The following CCDC186 variants were observed in gnomAD, a reference collection of about 807,000 sequenced individuals.
The protein encoded by CCDC186 is coiled-coil domain-containing protein 186.
In CCDC186, 49 loss-of-function variants were observed where a neutral mutation model predicts 113.7. The observed-to-expected ratio is 0.43, with a 90% CI of 0.34 to 0.55. The LOEUF (loss-of-function observed/expected upper bound fraction) is 0.55. CCDC186 is among the 20% of genes least tolerant of loss of function. The pLI is 0.02. For synonymous variants in CCDC186, 355 were observed against 345.8 expected, an observed-to-expected ratio of 1.03 and a Z score of -0.30; for missense variants, 890 against 1,011.1, an observed-to-expected ratio of 0.88 and a Z score of 1.62.
chr10:114,150,797 C>T (rs1022085605), intron 4 of CCDC186, among the ~76,000 whole-genome samples: 3 of 152,004 alleles, frequency 2.0e-5, no homozygotes, highest in Admixed American at 6.6e-5. Flanking sequence ...TACAGGGATG[C>T]GCCACCACGT....
At chr10:114,163,666 G>A (rs2032245545) in intron 1 of CCDC186, among the ~76,000 whole-genome samples, 1 of 152,154 alleles carries the variant, frequency 6.6e-6, no homozygotes, top group South Asian at 2.1e-4. Context: ...GCCAAAGAAT[G>A]CTTAGAATTC....
chr10:114,129,971 G>C lies in CCDC186; in HGVS notation c.2102C>G (p.Ala701Gly). 6.2e-7 allele frequency: 1 copy of C among 1,612,356 alleles called. No homozygotes were observed. Among genetic ancestry groups the C allele is most frequent in the Non-Finnish European group, 8.5e-7 (1 of 1,178,896 alleles). The change falls in exon 13 of 16, where the codon GCA becomes GGA. Residue 701 changes from alanine to glycine, a missense_variant and splice_region_variant. Physicochemically the swap from Ala to Gly is moderately conservative, Grantham distance 60. Coordinates refer to ENST00000369287, the MANE Select transcript of CCDC186 (RefSeq NM_018017.4). ...CTCAACCTGATCTAATTTTCTTCGTGCTATAGGAAAAAGAAGATTATTCGT... is the reference window on the plus strand; with the variant it reads ...CTCAACCTGATCTAATTTTCTTCGTCCTATAGGAAAAAGAAGATTATTCGT... ...IKDLTKQLQQ[A>G]RRKLDQVESG...
At chr10:114,164,574 A>G (rs1473150780) in intron 1 of CCDC186, among the ~76,000 whole-genome samples, 2 of 152,248 alleles carry the variant, frequency 1.3e-5, no homozygotes, top group Non-Finnish European at 2.9e-5. Context: ...TCAGGTATCA[A>G]CAAAGCATGT....
rs2030719558 is a variant in CCDC186 at position 114,121,426 on chromosome 10, G to GT, written c.*3716dup. The GT allele has an allele frequency of 6.6e-6, 1 of 152,042 alleles. No homozygotes were observed. Among genetic ancestry groups the GT allele is most frequent in the Non-Finnish European group, 1.5e-5 (1 of 68,006 alleles). 9.4% of individuals were successfully genotyped at this position (152,042 alleles called of 1,614,324 possible). The stretch of plus-strand genomic sequence containing the variant: ...GATAAATCTTGGTTTAAATTTGCAT[G>GT]TAACAATTTTTAGAAAATAATATAC... On this transcript the variant is annotated 3_prime_UTR_variant, in exon 16 of 16. Transcript: ENST00000369287.
At chr10:114,139,577 A>G (rs1390417500) in intron 6 of CCDC186, among the ~76,000 whole-genome samples, 1 of 151,870 alleles carries the variant, frequency 6.6e-6, no homozygotes, top group Non-Finnish European at 1.5e-5. Flanking sequence ...AAAAAAAAGA[A>G]AAGAAAAAAA....
In CCDC186 at chr10:114,126,074, A is replaced by T. The variant is rs1267988285; in HGVS notation, c.2425T>A (p.Ser809Thr). 1.2e-6 allele frequency: 2 copies of T among 1,613,908 alleles called. No homozygotes were observed. The highest frequency in any genetic ancestry group is 1.7e-6 in the Non-Finnish European group (2 of 1,179,876). The change falls in exon 15 of 16, where the codon TCA (serine) becomes ACA (threonine). Residue 809 changes from serine (S) to threonine (T), a missense_variant. Coordinates refer to ENST00000369287, the MANE Select transcript of CCDC186 (RefSeq NM_018017.4). ...IIQSYILREESGTLSSEASDF... is the reference protein window; with the variant it reads ...IIQSYILREETGTLSSEASDF... ...GATGCCTCTGAAGAAAGTGTGCCTG[A>T]TTCTTCTCGTAAAATATAACTTTGA...
intron 6 of CCDC186, among the ~76,000 whole-genome samples, chr10:114,143,679 T>C (rs2031546884): frequency 6.6e-6 from 1 of 152,204 alleles, no homozygotes; most frequent in African/African-American, 2.4e-5. Context: ...TATCAGAGAA[T>C]ACAATATAAC....
chr10:114,141,667 G>A (rs966799154), intron 6 of CCDC186, among the ~76,000 whole-genome samples: 2 of 151,786 alleles, frequency 1.3e-5, no homozygotes, highest in African/African-American at 2.4e-5. Flanking sequence ...ATACACGCAC[G>A]CACGCACACA....
At chr10:114,125,751 C>A in intron 15 of CCDC186, 135 bp downstream of exon 15, 2 of 654,302 alleles carry the variant, frequency 3.1e-6, no homozygotes, top group Non-Finnish European at 5.0e-6. Context: ...AAGAGAAAAT[C>A]ACGAAACTTC....
intron 1 of CCDC186, among the ~76,000 whole-genome samples, chr10:114,164,115 T>TATA (rs1491103930): frequency 1.8e-4 from 17 of 94,302 alleles, no homozygotes; most frequent in South Asian, 1.4e-3. Flanking sequence ...TATATATATA[T>TATA]TTTTTTTTTT....
chr10:114,148,022 C>G (rs116530906), intron 4 of CCDC186, among the ~76,000 whole-genome samples: 1,654 of 152,162 alleles, frequency 0.011, 20 homozygotes, highest in African/African-American at 0.038. Flanking sequence ...GTAGTCCCAG[C>G]TATTTGGGAG....
At chr10:114,130,256 G>A (rs2031045917) in intron 12 of CCDC186, 3 of 198,318 alleles carry the variant, frequency 1.5e-5, no homozygotes, top group Non-Finnish European at 3.1e-5. Context: ...GTTCCTTACA[G>A]TACCAGAAAT....
chr10:114,149,732 C>CAAAGGAAGGAAGGCAGGAAGGCAGGAAG, intron 4 of CCDC186, among the ~76,000 whole-genome samples: 1 of 98,750 alleles, frequency 1.0e-5, no homozygotes, highest in Middle Eastern at 5.4e-3. Flanking sequence ...GAGGAAGGGA[C>CAAAGGAAGGAAGGCAGGAAGGCAGGAAG]GAAGGAAGGA....
chr10:114,135,674 G>A (rs944150219), intron 9 of CCDC186, among the ~76,000 whole-genome samples: 2 of 152,152 alleles, frequency 1.3e-5, no homozygotes, highest in African/African-American at 2.4e-5. Flanking sequence ...CTGTGAAATA[G>A]TAATGTTTGG....
chr10:114,134,513 C>T (rs182962888), intron 10 of CCDC186, among the ~76,000 whole-genome samples: 12 of 152,278 alleles, frequency 7.9e-5, no homozygotes, highest in African/African-American at 2.9e-4. Context: ...GTAGAGTTTA[C>T]TTAAATGGTT....
Position 114,172,508 on chromosome 10 carries a change from G to C in CCDC186, c.-62+1507C>G, listed in dbSNP as rs1440877003. On this transcript the variant is annotated intron_variant, in intron 1 of 15. Transcript: ENST00000369287. ...CAACCCTTTCCGTTAGCAATAAATA[G>C]GACTCAAAAGCCAATGACACACTAT... Among the ~76,000 whole-genome samples, 3 of 152,110 alleles carry C rather than the reference G, an allele frequency of 2.0e-5. No individual in the cohort carries two copies. The East Asian group carries it at 5.8e-4, about 29-fold the overall frequency.
chr10:114,165,942 A>G, intron 1 of CCDC186: 1 of 984,754 alleles, frequency 1.0e-6, no homozygotes, highest in South Asian at 4.7e-5. Flanking sequence ...ACTTTTCTTC[A>G]GAGAAAACAA....
chr10:114,165,717 G>T (rs1211281500), intron 1 of CCDC186, among the ~76,000 whole-genome samples: 2 of 151,684 alleles, frequency 1.3e-5, no homozygotes, highest in East Asian at 3.9e-4. Flanking sequence ...GCATTATGGT[G>T]GGTGCCTGTA....
chr10:114,155,935 GAAATA>G (rs1221628354), intron 3 of CCDC186, among the ~76,000 whole-genome samples: 3 of 151,864 alleles, frequency 2.0e-5, no homozygotes, highest in Non-Finnish European at 4.4e-5. Context: ...TGCAGATCTA[GAAATA>G]AAATAAAGAA....
Sources: allele counts gnomAD v4.1 joint callset (sites outside exome capture counted in the v4.1 genomes callset), GRCh38; gene constraint gnomAD v4.1.1; transcripts MANE v1.5; gene names NCBI Gene and HGNC (gene_info 2026-07-23, HGNC 2026-07-21).